The following C12orf42 variants were observed in gnomAD, a reference collection of about 807,000 sequenced individuals.
C12orf42 encodes chromosome 12 open reading frame 42, also known as uncharacterized protein C12orf42.
In C12orf42, 25 loss-of-function variants were observed where a neutral mutation model predicts 21.6. That is an observed-to-expected ratio of 1.16 (90% CI 0.84 to 1.62). The LOEUF is 1.62. Among genes scored for constraint, C12orf42 ranks in the 40% most tolerant of loss-of-function variants. The probability of loss-of-function intolerance (pLI) is 0.00; values close to 1 mark genes in which losing one functional copy is unlikely to be tolerated. For missense variants in C12orf42, 483 were observed against 459.3 expected (o/e 1.05, Z -0.47); for synonymous variants, 174 against 175.0 (o/e 0.99, Z 0.05).
the C12orf42 span, among the ~76,000 whole-genome samples, chr12:103,118,772 TAAAAAAA>T: frequency 1.7e-4 from 7 of 41,640 alleles, no homozygotes; most frequent in African/African-American, 5.5e-4. Flanking sequence ...CACTCCAGCC[TAAAAAAA>T]AAAAAAAAAA....
At chr12:103,231,363 C>G in the C12orf42 span, among the ~76,000 whole-genome samples, 4 of 152,170 alleles carry the variant, frequency 2.6e-5, no homozygotes, top group African/African-American at 7.2e-5. Flanking sequence ...GCTGTACATT[C>G]TATGGGTTTG....
At chr12:103,490,592 T>C (rs1294341115) in intron 1 of C12orf42, among the ~76,000 whole-genome samples, 1 of 152,070 alleles carries the variant, frequency 6.6e-6, no homozygotes, top group Non-Finnish European at 1.5e-5. Context: ...ATTTCTGTTT[T>C]ACATCTTATT....
the C12orf42 span, among the ~76,000 whole-genome samples, chr12:103,127,627 G>A: frequency 6.6e-6 from 1 of 152,264 alleles, no homozygotes; most frequent in South Asian, 2.1e-4. Flanking sequence ...AGTATCTGAG[G>A]ACATATTTTG....
the C12orf42 span, among the ~76,000 whole-genome samples, chr12:103,527,574 C>G: frequency 2.6e-5 from 4 of 152,180 alleles, no homozygotes; most frequent in South Asian, 8.3e-4. Flanking sequence ...GTAGGTTTTT[C>G]TCTTCCTTTC....
chr12:103,372,707 C>T (rs1441146227), intron 3 of C12orf42, among the ~76,000 whole-genome samples: 2 of 152,248 alleles, frequency 1.3e-5, no homozygotes, highest in Admixed American at 6.5e-5. Context: ...TCTCACAGGA[C>T]TCTCTCCTCT....
chr12:103,125,227 A>G, the C12orf42 span, among the ~76,000 whole-genome samples: 1 of 152,192 alleles, frequency 6.6e-6, no homozygotes, highest in South Asian at 2.1e-4. Flanking sequence ...CAGCTTAGAT[A>G]TGAAAAAGGC....
At chr12:103,457,088 C>A (rs1327728536) in intron 2 of C12orf42, among the ~76,000 whole-genome samples, 1 of 152,236 alleles carries the variant, frequency 6.6e-6, no homozygotes, top group Non-Finnish European at 1.5e-5. Context: ...GTGATCTTTC[C>A]TCAGTTCACA....
chr12:103,104,004 T>C, the C12orf42 span, among the ~76,000 whole-genome samples: 24 of 152,348 alleles, frequency 1.6e-4, no homozygotes, highest in African/African-American at 5.8e-4. Flanking sequence ...GTGGGCGTTG[T>C]GCCCAGCTTA....
At chr12:103,160,057 G>A in the C12orf42 span, among the ~76,000 whole-genome samples, 2 of 152,156 alleles carry the variant, frequency 1.3e-5, no homozygotes, top group African/African-American at 4.8e-5. Flanking sequence ...TGTGTTTGAC[G>A]TATAATCACA....
In C12orf42 at chr12:103,290,890, AG is replaced by A. The variant is rs200941508; in HGVS notation, n.338-13681del. Reference sequence around the variant, plus strand: ...AGACTCTAAAGGGTGGAAGGGTGGGAGGGGGGTGAGGGATGAAATACTATCT... The same window carrying A: ...AGACTCTAAAGGGTGGAAGGGTGGGAGGGGGTGAGGGATGAAATACTATCT... On this transcript the variant is annotated intron_variant and non_coding_transcript_variant, in intron 4 of 6. Coordinates refer to the C12orf42 transcript ENST00000546526. Among the ~76,000 whole-genome samples the A allele has an allele frequency of 2.1e-3, 323 of 151,658 alleles. 10 individuals are homozygous for A. In the East Asian group the frequency reaches 0.051, roughly 24 times the overall value.
intron 5 of C12orf42, among the ~76,000 whole-genome samples, chr12:103,272,525 C>A (rs1356728851): frequency 6.6e-6 from 1 of 152,138 alleles, no homozygotes; most frequent in Non-Finnish European, 1.5e-5. Flanking sequence ...TCATGAGAAA[C>A]TGTTTTGAAA....
At chr12:103,217,006 C>T in the C12orf42 span, among the ~76,000 whole-genome samples, 1 of 152,078 alleles carries the variant, frequency 6.6e-6, no homozygotes, top group East Asian at 2.0e-4. Context: ...CCACCCCTGG[C>T]TCATTTTTGT....
At chr12:103,301,220 A>G (rs955179801), downstream of C12orf42, among the ~76,000 whole-genome samples, 2 of 152,146 alleles carry the variant, frequency 1.3e-5, no homozygotes, top group Non-Finnish European at 2.9e-5. Context: ...AGATTTGACA[A>G]CCTCCATCTA....
chr12:103,534,960 C>T, the C12orf42 span, among the ~76,000 whole-genome samples: 1 of 152,218 alleles, frequency 6.6e-6, no homozygotes, highest in Non-Finnish European at 1.5e-5. Flanking sequence ...TGTAATACAA[C>T]CACAACATGT....
rs186608200 is a variant in C12orf42, at chr12:103,460,344, C to T, written c.78+18005G>A. On this transcript the variant is annotated intron_variant, in intron 2 of 5. Transcript: ENST00000548883. ...CGGGAAAGATTACTATGGGCCAGGTCGGCACATGGTAATTATCACTTCCAC... is the reference window on the plus strand; with the variant it reads ...CGGGAAAGATTACTATGGGCCAGGTTGGCACATGGTAATTATCACTTCCAC... Among the ~76,000 whole-genome samples, 483 of 151,744 alleles carry T rather than the reference C, an allele frequency of 3.2e-3. 4 individuals are homozygous for T. The highest frequency in any genetic ancestry group is 4.6e-3 in the Admixed American group (70 of 15,240).
At chr12:103,118,720 C>T in the C12orf42 span, among the ~76,000 whole-genome samples, 1 of 135,484 alleles carries the variant, frequency 7.4e-6, no homozygotes, top group East Asian at 2.3e-4. Context: ...ATGGTGTGAG[C>T]CCGGAAGGCA....
intron 4 of C12orf42, among the ~76,000 whole-genome samples, chr12:103,365,017 G>C (rs892896583): frequency 6.6e-6 from 1 of 151,366 alleles, no homozygotes; most frequent in Non-Finnish European, 1.5e-5. Context: ...ACAAGGGAAG[G>C]GCATAACAAA....
chr12:103,307,178 G>A (rs1025011876), intron 4 of C12orf42, among the ~76,000 whole-genome samples: 2 of 152,210 alleles, frequency 1.3e-5, no homozygotes, highest in African/African-American at 4.8e-5. Flanking sequence ...TACAGGCTTA[G>A]AGCAAGTAGC....
the C12orf42 span, among the ~76,000 whole-genome samples, chr12:103,518,652 T>C: frequency 2.6e-4 from 39 of 152,268 alleles, no homozygotes; most frequent in African/African-American, 9.1e-4. Flanking sequence ...GTTAGAAACT[T>C]TCACACTGTA....
Sources: allele counts gnomAD v4.1 joint callset (sites outside exome capture counted in the v4.1 genomes callset), GRCh38; gene constraint gnomAD v4.1.1; transcripts MANE v1.5; gene names NCBI Gene and HGNC (gene_info 2026-07-23, HGNC 2026-07-21).